PRKG1: variants seen among roughly 807,000 people sequenced by gnomAD.
PRKG1 encodes cGMP-dependent protein kinase 1.
In PRKG1, 35 loss-of-function variants were observed where a neutral mutation model predicts 88.1. That is an observed-to-expected ratio of 0.40 (90% CI 0.30 to 0.53). The LOEUF is 0.53. PRKG1 is among the 20% of genes least tolerant of loss of function. PRKG1 has a pLI of 0.59. For missense variants in PRKG1, 540 were observed against 839.8 expected, an observed-to-expected ratio of 0.64 and a Z score of 4.41; for synonymous variants, 303 against 292.5, an observed-to-expected ratio of 1.04 and a Z score of -0.37.
chr10:51,818,568 C>T (rs1331961952), intron 4 of PRKG1, among the ~76,000 whole-genome samples: 1 of 152,122 alleles, frequency 6.6e-6, no homozygotes, highest in Non-Finnish European at 1.5e-5. Context: ...TCACAACAAT[C>T]TGATTATACT....
chr10:52,000,649 A>C (rs2454543), intron 5 of PRKG1, among the ~76,000 whole-genome samples: 60,175 of 151,804 alleles, frequency 0.4, 12,108 homozygotes, highest in Admixed American at 0.43. Context: ...ACATCTTCTA[A>C]CTGCTTCTCT....
chr10:51,996,040 C>A lies in PRKG1; in HGVS notation c.763-58444C>A, dbSNP rs534967037. Among the ~76,000 whole-genome samples the A allele has an allele frequency of 1.3e-4, 20 of 152,086 alleles. No individual in the cohort carries two copies. The South Asian group carries it at 4.2e-3, about 32-fold the overall frequency. ...GGGTACAGAGATAACTGGCCGGGCA[C>A]GGTGGCTTACGCCTGTAATCTCAGC... On this transcript the variant is annotated intron_variant, in intron 5 of 17. Transcript: ENST00000373980.
At chr10:51,505,948 G>C in intron 3 of PRKG1, among the ~76,000 whole-genome samples, 1 of 131,698 alleles carries the variant, frequency 7.6e-6, no homozygotes, top group Non-Finnish European at 1.7e-5. Flanking sequence ...TATTTTGAAG[G>C]GTTTTTTTGT....
intron 5 of PRKG1, among the ~76,000 whole-genome samples, chr10:52,053,581 C>G (rs1029910914): frequency 2.6e-5 from 4 of 152,178 alleles, no homozygotes; most frequent in African/African-American, 9.7e-5. Context: ...TCTCATTTTT[C>G]TGTTAGACCG....
intron 4 of PRKG1, among the ~76,000 whole-genome samples, chr10:51,903,884 A>G (rs1452281042): frequency 6.6e-6 from 1 of 152,108 alleles, no homozygotes; most frequent in Non-Finnish European, 1.5e-5. Flanking sequence ...GCAGACTTTC[A>G]AGGTCTCAGT....
intron 2 of PRKG1, among the ~76,000 whole-genome samples, chr10:51,194,972 C>T (rs1837725374): frequency 6.6e-6 from 1 of 152,158 alleles, no homozygotes; most frequent in African/African-American, 2.4e-5. Flanking sequence ...TCTTAAAAGT[C>T]TCACCTCTTG....
intron 5 of PRKG1, among the ~76,000 whole-genome samples, chr10:51,958,370 A>G (rs1000682258): frequency 1.5e-4 from 23 of 152,166 alleles, no homozygotes; most frequent in African/African-American, 5.5e-4. Flanking sequence ...AGGATAGATG[A>G]ACGAAGTTGA....
intron 3 of PRKG1, among the ~76,000 whole-genome samples, chr10:51,734,048 TA>T (rs1837193987): frequency 1.3e-5 from 2 of 152,124 alleles, no homozygotes; most frequent in Non-Finnish European, 2.9e-5. Context: ...ATCACCTTTT[TA>T]AAAAAAGTAT....
At chr10:52,221,484 A>C (rs1235997977) in intron 9 of PRKG1, among the ~76,000 whole-genome samples, 1 of 152,172 alleles carries the variant, frequency 6.6e-6, no homozygotes, top group Non-Finnish European at 1.5e-5. Flanking sequence ...GAATATTTGC[A>C]CACTCCATAT....
At position 51,347,785 on chromosome 10, in the gene PRKG1, G is replaced by A. The variant is rs1259773357; in HGVS notation, c.479-119938G>A. ...AGAACATAAAAGTCAACAAAGGCTG[G>A]GCGCGGTGGCTCACACCTGTAATCC... On this transcript the variant is annotated intron_variant, in intron 2 of 17. Coordinates refer to ENST00000373980, the MANE Select transcript of PRKG1 (RefSeq NM_006258.4). Among the ~76,000 whole-genome samples the A allele has an allele frequency of 2.0e-5, 3 of 152,012 alleles. No individual in the cohort carries two copies. In the East Asian group the frequency reaches 5.8e-4, roughly 29 times the overall value.
rs1024594702 is a variant in PRKG1 at position 51,517,383 on chromosome 10, G to C, written c.592+49547G>C. ...GTATGGGAAAGGAACCTCTAGGGTA[G>C]TAGCAGTGGAGATAGAGAATAAACA... On this transcript the variant is annotated intron_variant, in intron 3 of 17. Coordinates refer to ENST00000373980, the MANE Select transcript of PRKG1 (RefSeq NM_006258.4). Among the ~76,000 whole-genome samples, 3 of 152,204 alleles carry C rather than the reference G, an allele frequency of 2.0e-5. No individual in the cohort carries two copies. In the South Asian group the frequency reaches 6.2e-4, roughly 32 times the overall value.
At chr10:52,231,293 C>T (rs1840515608) in intron 9 of PRKG1, 1 of 152,010 alleles carries the variant, frequency 6.6e-6, no homozygotes, top group Non-Finnish European at 1.5e-5. Context: ...CCCAGCTACT[C>T]AGGAGGCTGA....
intron 2 of PRKG1, among the ~76,000 whole-genome samples, chr10:51,343,327 T>C (rs1444065713): frequency 6.6e-6 from 1 of 152,096 alleles, no homozygotes; most frequent in Non-Finnish European, 1.5e-5. Flanking sequence ...TTGGCTACAG[T>C]TGGAACAGAT....
At chr10:52,081,886 T>C (rs1217464188) in intron 7 of PRKG1, among the ~76,000 whole-genome samples, 3 of 151,976 alleles carry the variant, frequency 2.0e-5, no homozygotes, top group Admixed American at 6.6e-5. Flanking sequence ...AATAGGGGTC[T>C]CATTAAATCT....
At chr10:51,153,374 T>A in intron 2 of PRKG1, 44 bp downstream of exon 2, 1 of 1,531,600 alleles carries the variant, frequency 6.5e-7, no homozygotes, top group Non-Finnish European at 8.8e-7. Context: ...AATATTCTTT[T>A]TTCATCTTAT....
At chr10:51,259,618 C>G (rs1458894079) in intron 2 of PRKG1, among the ~76,000 whole-genome samples, 1 of 152,068 alleles carries the variant, frequency 6.6e-6, no homozygotes. Context: ...GGATTATAGG[C>G]GTGTGTCACC....
chr10:51,078,385 A>ATTTTTTT (rs34894735), intron 1 of PRKG1, among the ~76,000 whole-genome samples: 1 of 85,728 alleles, frequency 1.2e-5, no homozygotes, highest in Non-Finnish European at 2.3e-5. Flanking sequence ...ATGCCTGGCT[A>ATTTTTTT]TTTTTTTTTT....
intron 10 of PRKG1, among the ~76,000 whole-genome samples, chr10:52,260,353 C>A (rs1483590642): frequency 5.3e-5 from 8 of 152,042 alleles, no homozygotes; most frequent in Admixed American, 5.3e-4. Context: ...ATTATAAAGT[C>A]ATTCATCCCT....
chr10:51,392,549 C>T (rs568392736), intron 2 of PRKG1, among the ~76,000 whole-genome samples: 55 of 152,132 alleles, frequency 3.6e-4, no homozygotes, highest in African/African-American at 1.3e-3. Flanking sequence ...ACAGACACGG[C>T]AACCATCCGA....
Sources: allele counts gnomAD v4.1 joint callset (sites outside exome capture counted in the v4.1 genomes callset), GRCh38; gene constraint gnomAD v4.1.1; transcripts MANE v1.5; gene names NCBI Gene and HGNC (gene_info 2026-07-23, HGNC 2026-07-21).